Variants in ORC1 observed in about 807,000 individuals in gnomAD.
ORC1 encodes the protein origin recognition complex subunit 1, also known as origin recognition complex, subunit 1 homolog.
ORC1 carries 61 observed loss-of-function variants against 98.9 expected under a neutral mutation model. The observed-to-expected ratio is 0.62, with a 90% CI of 0.50 to 0.76. The LOEUF (loss-of-function observed/expected upper bound fraction) is 0.76, where lower values mean the gene tolerates loss of function less well. Among genes scored for constraint, ORC1 ranks in the 30% least tolerant of loss-of-function variants. The pLI is 0.00. For synonymous variants in ORC1, 385 were observed against 406.9 expected (o/e 0.95, Z 0.65); for missense variants, 979 against 1,072.2 (o/e 0.91, Z 1.21).
chr1:52,384,517 C>T (rs200692545), intron 11 of ORC1, 33 bp downstream of exon 11: 255 of 1,602,828 alleles, frequency 1.6e-4, no homozygotes, highest in Non-Finnish European at 2.0e-4. Flanking sequence ...GAAGAAACAG[C>T]ATTTTCCAAA....
intron 14 of ORC1, among the ~76,000 whole-genome samples, chr1:52,379,927 G>C (rs372281164): frequency 6.6e-6 from 1 of 151,928 alleles, no homozygotes; most frequent in Non-Finnish European, 1.5e-5. Flanking sequence ...GTGAGACTCC[G>C]TCTCAAAACA....
intron 3 of ORC1, among the ~76,000 whole-genome samples, chr1:52,399,062 G>A (rs1001569833): frequency 6.6e-6 from 1 of 152,154 alleles, no homozygotes; most frequent in Non-Finnish European, 1.5e-5. Flanking sequence ...TTTCCTAATG[G>A]TGCTATCAGC....
intron 14 of ORC1, among the ~76,000 whole-genome samples, chr1:52,380,328 G>A (rs182390164): frequency 6.6e-5 from 10 of 152,348 alleles, no homozygotes; most frequent in Admixed American, 3.3e-4. Flanking sequence ...AGTCTCTAAC[G>A]ATGCAAGATA....
At chr1:52,406,436 G>T (rs72899858), upstream of ORC1, among the ~76,000 whole-genome samples, 3,936 of 152,300 alleles carry the variant, frequency 0.026, 153 homozygotes, top group African/African-American at 0.086. Flanking sequence ...GTAGGCACTG[G>T]ACGCTCAGGG....
upstream of ORC1, chr1:52,408,325 A>C (rs1032143472): frequency 1.6e-6 from 1 of 631,612 alleles, no homozygotes; most frequent in Non-Finnish European, 2.9e-6. Flanking sequence ...TTTACTGATG[A>C]TATATTTGAA....
At position 52,389,339 on chromosome 1, in the gene ORC1, G is replaced by A. The variant is rs1478951077; in HGVS notation, c.1083-18C>T. 8 of 1,595,736 alleles carry A rather than the reference G, an allele frequency of 5.0e-6. No homozygotes were observed. Among genetic ancestry groups the A allele is most frequent in the Non-Finnish European group, 5.2e-6 (6 of 1,163,526 alleles). ...TTGCATCCCTGCAAGAAACCACAGCGAGGTCACGGGAAGCAGTTTTGGATA... is the reference window on the plus strand; with the variant it reads ...TTGCATCCCTGCAAGAAACCACAGCAAGGTCACGGGAAGCAGTTTTGGATA... On this transcript the variant is annotated intron_variant, in intron 6 of 16. Coordinates refer to ENST00000371568, the MANE Select transcript of ORC1 (RefSeq NM_004153.4).
At chr1:52,378,897 T>C (rs886658236) in intron 14 of ORC1, among the ~76,000 whole-genome samples, 2 of 149,944 alleles carry the variant, frequency 1.3e-5, no homozygotes, top group African/African-American at 4.9e-5. Context: ...GCTGGGCATG[T>C]TGGCGGGCAC....
intron 5 of ORC1, 118 bp downstream of exon 5, chr1:52,395,928 G>A (rs1429142067): frequency 1.6e-5 from 24 of 1,513,570 alleles, no homozygotes; most frequent in Non-Finnish European, 2.1e-5. Flanking sequence ...ATGATCACTT[G>A]AGTTCCAGGC....
At chr1:52,376,559 T>C (rs1025524576) in intron 14 of ORC1, among the ~76,000 whole-genome samples, 1 of 152,076 alleles carries the variant, frequency 6.6e-6, no homozygotes, top group African/African-American at 2.4e-5. Flanking sequence ...CGGCTTACAT[T>C]TTTCCCTTCC....
chr1:52,398,406 GGCCTGTGCCACCAC>G (rs1170751653), intron 3 of ORC1, among the ~76,000 whole-genome samples: 1 of 151,668 alleles, frequency 6.6e-6, no homozygotes, highest in Non-Finnish European at 1.5e-5. Flanking sequence ...TGGGACCACA[GGCCTGTGCCACCAC>G]GCCTGGCTAA....
chr1:52,395,359 C>T (rs1437658325), intron 5 of ORC1, among the ~76,000 whole-genome samples: 1 of 151,958 alleles, frequency 6.6e-6, no homozygotes, highest in Non-Finnish European at 1.5e-5. Context: ...GAAAGGGAAA[C>T]AATTAATTAA....
chr1:52,400,337 G>T lies in ORC1; in HGVS notation c.223+1025C>A, dbSNP rs186178043. Among the ~76,000 whole-genome samples, 514 of 152,272 alleles carry T rather than the reference G, an allele frequency of 3.4e-3. 3 individuals carry two copies. Among genetic ancestry groups the T allele is most frequent in the Non-Finnish European group, 4.9e-3 (333 of 68,018 alleles). ...GGACAAAGGGATGACTCACATTTCA[G>T]GTGGGACAGCGTGAGATTTCACCAC... On this transcript the variant is annotated intron_variant, in intron 3 of 16. Transcript: ENST00000371568.
intron 2 of ORC1, 104 bp downstream of exon 2, chr1:52,402,025 T>C: frequency 2.3e-6 from 2 of 851,106 alleles, no homozygotes; most frequent in Non-Finnish European, 4.0e-6. Context: ...AATCTCCTGT[T>C]CATTCATGGT....
At chr1:52,384,231 C>A (rs532829249) in intron 11 of ORC1, among the ~76,000 whole-genome samples, 42 of 152,316 alleles carry the variant, frequency 2.8e-4, no homozygotes, top group Middle Eastern at 3.4e-3. Flanking sequence ...AAAATAACAG[C>A]CCATGGACAA....
chr1:52,374,998 C>A (rs1569899680), intron 15 of ORC1, 101 bp from the exon 16 acceptor site: 1 of 758,674 alleles, frequency 1.3e-6, no homozygotes, highest in East Asian at 2.7e-5. Flanking sequence ...AAAGAGAAAA[C>A]CCGGGAAATA....
rs532086974 is a variant in ORC1, at chr1:52,389,401, G to A, written c.1083-80C>T. 5.8e-5 allele frequency: 53 copies of A among 918,502 alleles called. No individual in the cohort carries two copies. In the South Asian group the frequency reaches 6.8e-4, roughly 12 times the overall value. The allele number at this position is 918,502 out of a possible 1,614,324, so 56.9% of individuals were successfully genotyped here. On this transcript the variant is annotated intron_variant, in intron 6 of 16. Coordinates refer to ENST00000371568, the MANE Select transcript of ORC1 (RefSeq NM_004153.4). ...AAAAGGCACTAGAAGATAGTCAAGT[G>A]GCCTGATTGGCTCCCAGTCTTTTTA...
chr1:52,407,957 G>A (rs1212518940), upstream of ORC1, among the ~76,000 whole-genome samples: 2 of 152,280 alleles, frequency 1.3e-5, no homozygotes, highest in East Asian at 3.8e-4. Context: ...TTGGGAGGCT[G>A]AGGCAGGAGA....
At chr1:52,382,830 T>C (rs965566688) in intron 13 of ORC1, among the ~76,000 whole-genome samples, 1 of 152,082 alleles carries the variant, frequency 6.6e-6, no homozygotes, top group Non-Finnish European at 1.5e-5. Flanking sequence ...TCCACCTGCC[T>C]TGGCCTCCCA....
chr1:52,394,680 G>A (rs571886829), intron 5 of ORC1, among the ~76,000 whole-genome samples: 2 of 152,004 alleles, frequency 1.3e-5, no homozygotes, highest in Admixed American at 6.5e-5. Flanking sequence ...ACAGAGTCTT[G>A]CTCTGTTGCT....
Sources: gnomAD v4.1 joint callset for allele counts (sites outside exome capture counted in the v4.1 genomes callset) on GRCh38, gnomAD v4.1.1 for gene constraint, MANE v1.5 for transcripts, NCBI Gene and HGNC (gene_info 2026-07-23, HGNC 2026-07-21) for gene names.